The following ATP10B variants were observed in gnomAD, a reference collection of about 807,000 sequenced individuals.
ATP10B encodes the protein phospholipid-transporting ATPase VB.
ATP10B carries 122 observed loss-of-function variants against 141.2 expected under a neutral mutation model. The ratio of observed to expected loss-of-function variants is 0.86; its 90% CI spans 0.75 to 1.00. ATP10B has a LOEUF of 1.00. Among genes scored for constraint, ATP10B ranks in the 50% least tolerant of loss-of-function variants. ATP10B has a pLI of 0.00. For missense variants in ATP10B, 1,876 were observed against 1,825.3 expected, an observed-to-expected ratio of 1.03 and a Z score of -0.51; for synonymous variants, 685 against 692.0, an observed-to-expected ratio of 0.99 and a Z score of 0.16.
chr5:160,563,433 A>C lies in ATP10B; in HGVS notation c.*2020T>G, dbSNP rs895075807. 2 of 152,178 alleles carry C rather than the reference A, an allele frequency of 1.3e-5. No individual in the cohort carries two copies. The highest frequency in any genetic ancestry group is 2.4e-5 in the African/African-American group (1 of 41,436). 9.4% of individuals were successfully genotyped at this position (152,178 alleles called of 1,614,324 possible). Reference sequence around the variant, plus strand: ...CCTACAAGAAAAAGAGCAGCATCAGAGTGTTGGCTATAGTTTGGAACTTAG... The same window carrying C: ...CCTACAAGAAAAAGAGCAGCATCAGCGTGTTGGCTATAGTTTGGAACTTAG... On this transcript the variant is annotated 3_prime_UTR_variant, in exon 26 of 26. Coordinates refer to ENST00000327245, the MANE Select transcript of ATP10B (RefSeq NM_025153.3).
intron 8 of ATP10B, among the ~76,000 whole-genome samples, chr5:160,648,145 C>T (rs77895222): frequency 0.01 from 1,539 of 152,272 alleles, 18 homozygotes; most frequent in African/African-American, 0.035. Flanking sequence ...TCATAATCCA[C>T]ATCACGATAT....
chr5:160,714,723 G>GTT (rs1320478175), intron 3 of ATP10B, among the ~76,000 whole-genome samples: 1 of 110,902 alleles, frequency 9.0e-6, no homozygotes, highest in African/African-American at 3.6e-5. Context: ...TTTCTGTTCT[G>GTT]TTTTTTCCCC....
chr5:160,885,530 A>G, the ATP10B span, among the ~76,000 whole-genome samples: 1 of 152,214 alleles, frequency 6.6e-6, no homozygotes, highest in Non-Finnish European at 1.5e-5. Context: ...AACTTACAGA[A>G]ATCATGAAAA....
intron 1 of ATP10B, among the ~76,000 whole-genome samples, chr5:160,811,521 A>T (rs959204072): frequency 1.3e-4 from 20 of 152,140 alleles, no homozygotes; most frequent in African/African-American, 3.6e-4. Flanking sequence ...ACTTTAAGGA[A>T]ATGCTAGTGG....
intron 2 of ATP10B, among the ~76,000 whole-genome samples, chr5:160,755,854 T>TAC (rs1768547412): frequency 9.6e-6 from 1 of 103,682 alleles, no homozygotes; most frequent in Non-Finnish European, 1.9e-5. Flanking sequence ...TATATATATA[T>TAC]ATATATATAT....
chr5:160,746,396 C>CT (rs11365545), intron 2 of ATP10B, among the ~76,000 whole-genome samples: 6,079 of 145,334 alleles, frequency 0.042, 197 homozygotes, highest in East Asian at 0.082. Context: ...TCTTTCTTTC[C>CT]TTTTTTTTTT....
intron 3 of ATP10B, chr5:160,692,751 ACCAATCAACAATCTTCACACTTCTGC>A (rs1764142433): frequency 6.6e-6 from 1 of 152,166 alleles, no homozygotes; most frequent in Non-Finnish European, 1.5e-5. Flanking sequence ...GCACTCTTTG[ACCAATCAACAATCTTCACACTTCTGC>A]CTGTTCTAAA....
chr5:160,909,215 G>T, the ATP10B span, among the ~76,000 whole-genome samples: 80 of 152,188 alleles, frequency 5.3e-4, no homozygotes, highest in Admixed American at 2.8e-3. Context: ...GCTCTTTTCA[G>T]CACTGTAAGA....
intron 20 of ATP10B, 60 bp from the exon 21 acceptor site, chr5:160,602,762 C>A: frequency 6.2e-7 from 1 of 1,607,558 alleles, no homozygotes; most frequent in Non-Finnish European, 8.5e-7. Context: ...CCCAGAGGGA[C>A]TCTCTCAAGG....
At chr5:160,869,713 G>A in the ATP10B span, among the ~76,000 whole-genome samples, 1 of 152,164 alleles carries the variant, frequency 6.6e-6, no homozygotes, top group Non-Finnish European at 1.5e-5. Context: ...ACCATGGCTT[G>A]CTGGAAAACA....
chr5:160,585,448 C>G (rs571948215), intron 24 of ATP10B, among the ~76,000 whole-genome samples: 6 of 152,108 alleles, frequency 3.9e-5, no homozygotes, highest in African/African-American at 1.4e-4. Flanking sequence ...ACTAAAATTA[C>G]AAAAAATTAG....
chr5:160,670,439 T>C (rs762719281), intron 7 of ATP10B, 24 bp downstream of exon 7: 17 of 1,611,882 alleles, frequency 1.1e-5, no homozygotes, highest in South Asian at 6.6e-5. Context: ...ACTTTACCAT[T>C]GAAGATATTA....
the ATP10B span, among the ~76,000 whole-genome samples, chr5:160,895,963 A>G: frequency 6.6e-6 from 1 of 152,250 alleles, no homozygotes; most frequent in Admixed American, 6.5e-5. Context: ...AAATAATGAA[A>G]TGAAGGCAGA....
At chr5:160,818,200 G>C (rs1478857890) in intron 1 of ATP10B, among the ~76,000 whole-genome samples, 1 of 152,160 alleles carries the variant, frequency 6.6e-6, no homozygotes, top group African/African-American at 2.4e-5. Flanking sequence ...ACTACCATCA[G>C]TGTAAACAGG....
chr5:160,767,645 C>A (rs969410995), intron 2 of ATP10B, among the ~76,000 whole-genome samples: 6 of 134,038 alleles, frequency 4.5e-5, no homozygotes, highest in African/African-American at 1.0e-4. Flanking sequence ...ACCCCCCCCC[C>A]CAAAATAACA....
the ATP10B span, among the ~76,000 whole-genome samples, chr5:160,906,326 A>G: frequency 6.6e-6 from 1 of 152,126 alleles, no homozygotes; most frequent in African/African-American, 2.4e-5. Context: ...CCTCTGGGAA[A>G]AAAAAAACAA....
At chr5:160,848,421 TAATA>T (rs1753567139) in intron 1 of ATP10B, among the ~76,000 whole-genome samples, 1 of 152,218 alleles carries the variant, frequency 6.6e-6, no homozygotes. Context: ...ATAGCACAGC[TAATA>T]AATGGCACAA....
intron 7 of ATP10B, among the ~76,000 whole-genome samples, chr5:160,668,990 G>A (rs992959927): frequency 5.9e-5 from 9 of 152,304 alleles, no homozygotes; most frequent in East Asian, 3.9e-4. Context: ...CTGGAAAACT[G>A]CACTCTAGCT....
At chr5:160,610,057 G>A (rs1279518238) in intron 18 of ATP10B, among the ~76,000 whole-genome samples, 2 of 152,110 alleles carry the variant, frequency 1.3e-5, no homozygotes, top group Non-Finnish European at 2.9e-5. Flanking sequence ...CTAATATGGT[G>A]GTTCCCAGTG....
Sources: allele counts gnomAD v4.1 joint callset (sites outside exome capture counted in the v4.1 genomes callset), GRCh38; gene constraint gnomAD v4.1.1; transcripts MANE v1.5; gene names NCBI Gene and HGNC (gene_info 2026-07-23, HGNC 2026-07-21).